OOSP4B: variants seen among roughly 807,000 people sequenced by gnomAD.
OOSP4B encodes oocyte secreted protein family member 4B.
intron 4 of OOSP4B, 43 bp from the exon 5 acceptor site, chr11:60,030,759 A>G (rs779158471): frequency 2.5e-6 from 1 of 398,006 alleles, no homozygotes. Flanking sequence ...AGGTAAGGTT[A>G]TATTTAAGCA....
At chr11:60,028,569 C>A (rs1854769776) in intron 3 of OOSP4B, among the ~76,000 whole-genome samples, 1 of 152,156 alleles carries the variant, frequency 6.6e-6, no homozygotes, top group Non-Finnish European at 1.5e-5. Flanking sequence ...TGGAATACAA[C>A]TTAATACTAG....
At chr11:60,028,250 C>T (rs953762161) in intron 3 of OOSP4B, among the ~76,000 whole-genome samples, 6 of 151,686 alleles carry the variant, frequency 4.0e-5, no homozygotes, top group East Asian at 3.9e-4. Context: ...ACTTCAACCA[C>T]CGCTTCCTGG....
intron 1 of OOSP4B, among the ~76,000 whole-genome samples, chr11:60,020,551 C>T (rs1200736928): frequency 6.6e-6 from 1 of 152,242 alleles, no homozygotes; most frequent in Non-Finnish European, 1.5e-5. Context: ...AGAACTTGCG[C>T]TGGCCTGCAA....
exon 5 of OOSP4B, chr11:60,030,965 A>G (rs905052034): frequency 7.6e-6 from 3 of 395,774 alleles, no homozygotes; most frequent in Non-Finnish European, 4.5e-6. Flanking sequence ...TACCAGTTTC[A>G]CTACATTTTG....
Position 60,025,006 on chromosome 11 carries a change from G to A in OOSP4B, c.302+1G>A. 2.5e-6 allele frequency: 1 copy of A among 398,232 alleles called. No homozygotes were observed. The highest frequency in any genetic ancestry group is 4.4e-6 in the Non-Finnish European group (1 of 225,900). 24.7% of individuals were successfully genotyped at this position (398,232 alleles called of 1,614,324 possible). On this transcript the variant is annotated splice_donor_variant, in intron 3 of 4. Coordinates refer to ENST00000642343, the Ensembl canonical transcript of OOSP4B. LOFTEE classifies it high-confidence loss of function. ...TTCCAGTGGTTTGCTTTGTGAAGAGGTATGAGTAGCTACTTCTCTTACACA... is the reference window on the plus strand; with the variant it reads ...TTCCAGTGGTTTGCTTTGTGAAGAGATATGAGTAGCTACTTCTCTTACACA...
intron 2 of OOSP4B, 87 bp from the exon 3 acceptor site, chr11:60,024,821 G>T: frequency 2.5e-6 from 1 of 396,344 alleles, no homozygotes; most frequent in East Asian, 3.6e-5. Context: ...GCCATTTCCG[G>T]ATTTTCCTAA....
intron 3 of OOSP4B, among the ~76,000 whole-genome samples, chr11:60,025,901 T>C (rs1854742763): frequency 6.6e-6 from 1 of 152,202 alleles, no homozygotes; most frequent in Admixed American, 6.5e-5. Flanking sequence ...GATGTCAGTT[T>C]TTTATTCTAA....
At chr11:60,017,826 T>G (rs1854642211) in intron 1 of OOSP4B, among the ~76,000 whole-genome samples, 1 of 152,214 alleles carries the variant, frequency 6.6e-6, no homozygotes, top group Non-Finnish European at 1.5e-5. Flanking sequence ...TGGGGAGGAT[T>G]ACAGGCTCTC....
intron 3 of OOSP4B, among the ~76,000 whole-genome samples, chr11:60,026,677 A>G (rs1403297253): frequency 6.6e-6 from 1 of 152,206 alleles, no homozygotes; most frequent in African/African-American, 2.4e-5. Flanking sequence ...CTGTTCTTCA[A>G]ACTTCGCCAG....
intron 3 of OOSP4B, 50 bp from the exon 4 acceptor site, chr11:60,029,732 T>A (rs1854786486): frequency 2.5e-6 from 1 of 397,822 alleles, no homozygotes. Flanking sequence ...CCACAAAAAA[T>A]CTGTACAGCT....
At chr11:60,019,888 C>T (rs1854671275) in intron 1 of OOSP4B, among the ~76,000 whole-genome samples, 2 of 152,100 alleles carry the variant, frequency 1.3e-5, no homozygotes, top group African/African-American at 4.8e-5. Flanking sequence ...CTGACTGGTC[C>T]GTTTTGACAG....
intron 2 of OOSP4B, 146 bp downstream of exon 2, chr11:60,024,207 A>G (rs941646064): frequency 2.0e-5 from 8 of 394,774 alleles, no homozygotes; most frequent in Non-Finnish European, 2.7e-5. Context: ...CCAGGTGCTT[A>G]TCTACTTAAT....
chr11:60,025,063 T>C, intron 3 of OOSP4B, 58 bp downstream of exon 3: 1 of 397,630 alleles, frequency 2.5e-6, no homozygotes, highest in Non-Finnish European at 4.4e-6. Flanking sequence ...TGATAGATGT[T>C]TCTGTTAAGA....
At chr11:60,022,760 T>A (rs1226792462) in intron 1 of OOSP4B, among the ~76,000 whole-genome samples, 1 of 151,886 alleles carries the variant, frequency 6.6e-6, no homozygotes, top group Non-Finnish European at 1.5e-5. Context: ...TTTTTTCCCC[T>A]AGGGGTGGGG....
At chr11:60,019,872 A>G (rs1449682139) in intron 1 of OOSP4B, among the ~76,000 whole-genome samples, 1 of 152,188 alleles carries the variant, frequency 6.6e-6, no homozygotes, top group Non-Finnish European at 1.5e-5. Context: ...TCCATTTTAC[A>G]GAGAGCTGAC....
At chr11:60,022,211 G>T (rs1161389093) in intron 1 of OOSP4B, 2 of 152,018 alleles carry the variant, frequency 1.3e-5, no homozygotes, top group African/African-American at 2.4e-5. Context: ...ATAGGCTACA[G>T]CTCCTTTCTT....
intron 1 of OOSP4B, chr11:60,022,032 A>ATTGG (rs916056052): frequency 4.2e-5 from 6 of 143,996 alleles, no homozygotes; most frequent in African/African-American, 1.6e-4. Flanking sequence ...TGACCTAGGA[A>ATTGG]TTGGTACATA....
At chr11:60,017,754 G>C (rs917790500) in intron 1 of OOSP4B, among the ~76,000 whole-genome samples, 3 of 152,018 alleles carry the variant, frequency 2.0e-5, no homozygotes, top group Non-Finnish European at 4.4e-5. Flanking sequence ...AACATAACTG[G>C]GGCTCCTATA....
In OOSP4B at chr11:60,024,044, T is replaced by A. The variant is rs1590593367; in HGVS notation, c.187T>A (p.Cys63Ser). The A allele has an allele frequency of 7.5e-6, 3 of 398,588 alleles. No homozygotes were observed. In the Admixed American group the frequency reaches 1.3e-4, roughly 18 times the overall value. The allele number at this position is 398,588 out of a possible 1,614,324, so 24.7% of individuals were successfully genotyped here. ...CGCGTTTTCTTATCCTGTCACTTCT[T>A]GTGGGATCAAGAAAATTGTAAGTGC... Residue 63 changes from cysteine to serine, a missense_variant, in exon 2 of 5, where the codon TGT becomes AGT. Coordinates refer to ENST00000642343, the Ensembl canonical transcript of OOSP4B.
Sources: gnomAD v4.1 joint callset for allele counts (sites outside exome capture counted in the v4.1 genomes callset) on GRCh38, gnomAD v4.1.1 for gene constraint, MANE v1.5 for transcripts, NCBI Gene and HGNC (gene_info 2026-07-23, HGNC 2026-07-21) for gene names.